SLC22A15: variants seen among roughly 807,000 people sequenced by gnomAD.
The protein encoded by SLC22A15 is solute carrier family 22 member 15.
In SLC22A15, 45 loss-of-function variants were observed where a neutral mutation model predicts 62.7. The ratio of observed to expected loss-of-function variants is 0.72; its 90% CI spans 0.56 to 0.92. The LOEUF is 0.92. Ranked by LOEUF, SLC22A15 falls within the 40% of genes least tolerant of loss-of-function variation. SLC22A15 has a pLI of 0.00. For synonymous variants in SLC22A15, 264 were observed against 267.0 expected, an observed-to-expected ratio of 0.99 and a Z score of 0.11; for missense variants, 622 against 665.6, an observed-to-expected ratio of 0.93 and a Z score of 0.72.
intron 2 of SLC22A15, among the ~76,000 whole-genome samples, chr1:116,016,681 C>T (rs1432176436): frequency 6.6e-6 from 1 of 152,112 alleles, no homozygotes; most frequent in East Asian, 1.9e-4. Flanking sequence ...CCTAACACCC[C>T]TTGCAGCCTT....
chr1:116,020,943 G>A, intron 4 of SLC22A15, 58 bp downstream of exon 4: 2 of 1,472,602 alleles, frequency 1.4e-6, no homozygotes, highest in South Asian at 1.4e-5. Flanking sequence ...AATTTTATAG[G>A]GACCCAGTTT....
chr1:116,020,470 G>T (rs1368413558), intron 3 of SLC22A15, among the ~76,000 whole-genome samples: 2 of 151,426 alleles, frequency 1.3e-5, no homozygotes, highest in East Asian at 1.9e-4. Flanking sequence ...GCAGGAGATT[G>T]GTGTGAACCC....
chr1:116,008,121 G>A lies in SLC22A15; in HGVS notation c.301-11461G>A, dbSNP rs116490478. Among the ~76,000 whole-genome samples the A allele has an allele frequency of 5.4e-3, 821 of 152,214 alleles. 3 individuals are homozygous for A. The highest frequency in any genetic ancestry group is 0.019 in the African/African-American group (786 of 41,544). Reference sequence around the variant, plus strand: ...TTTGAGAACAGTTAGCACAGTGACCGTGGGGAGATAGTGTATGGGGCATGA... The same window carrying A: ...TTTGAGAACAGTTAGCACAGTGACCATGGGGAGATAGTGTATGGGGCATGA... On this transcript the variant is annotated intron_variant, in intron 2 of 11. Coordinates refer to ENST00000369503, the MANE Select transcript of SLC22A15 (RefSeq NM_018420.3).
At chr1:116,050,559 C>T (rs558880424) in intron 8 of SLC22A15, among the ~76,000 whole-genome samples, 2 of 151,982 alleles carry the variant, frequency 1.3e-5, no homozygotes, top group East Asian at 1.9e-4. Flanking sequence ...GATTATAACT[C>T]GGCATACGAG....
intron 2 of SLC22A15, among the ~76,000 whole-genome samples, chr1:116,010,957 C>CT (rs1202054006): frequency 6.6e-6 from 1 of 152,204 alleles, no homozygotes; most frequent in African/African-American, 2.4e-5. Context: ...GGTTGACCTG[C>CT]TTGGACAACC....
intron 1 of SLC22A15, among the ~76,000 whole-genome samples, chr1:115,988,350 G>T (rs1281697): frequency 1.3e-5 from 2 of 152,160 alleles, no homozygotes; most frequent in South Asian, 2.1e-4. Flanking sequence ...TTGTTTTTTG[G>T]GGGGGAAAGG....
chr1:116,057,981 A>G (rs1658265690), intron 8 of SLC22A15, among the ~76,000 whole-genome samples: 2 of 152,032 alleles, frequency 1.3e-5, no homozygotes, highest in African/African-American at 2.4e-5. Flanking sequence ...TGGGTGCAGC[A>G]CACCAACATG....
intron 6 of SLC22A15, among the ~76,000 whole-genome samples, chr1:116,034,815 A>G (rs1293167821): frequency 1.3e-5 from 2 of 152,216 alleles, no homozygotes; most frequent in African/African-American, 2.4e-5. Flanking sequence ...TATTACAACT[A>G]TCTATAACAA....
At chr1:115,996,919 A>C (rs1214159204) in intron 2 of SLC22A15, among the ~76,000 whole-genome samples, 3 of 152,032 alleles carry the variant, frequency 2.0e-5, no homozygotes, top group African/African-American at 7.2e-5. Flanking sequence ...GTCATATAAA[A>C]AGTAAGGACA....
intron 8 of SLC22A15, among the ~76,000 whole-genome samples, chr1:116,038,360 G>A (rs1433525191): frequency 1.3e-5 from 2 of 152,102 alleles, no homozygotes; most frequent in African/African-American, 4.8e-5. Flanking sequence ...GCTTCTTGTG[G>A]TTCATTTCTG....
chr1:116,029,099 G>A (rs1657261148), intron 5 of SLC22A15, among the ~76,000 whole-genome samples: 1 of 152,140 alleles, frequency 6.6e-6, no homozygotes, highest in African/African-American at 2.4e-5. Flanking sequence ...AAAGCCAGGG[G>A]TTTCCACACA....
At chr1:116,036,840 A>G (rs1260074503) in intron 7 of SLC22A15, among the ~76,000 whole-genome samples, 1 of 152,244 alleles carries the variant, frequency 6.6e-6, no homozygotes, top group African/African-American at 2.4e-5. Flanking sequence ...GAGAGACTTA[A>G]GAAAAATGCC....
At position 116,068,890 on chromosome 1, in the gene SLC22A15, T is replaced by C. The variant is rs1016707018; in HGVS notation, c.*1782T>C. 2 of 152,184 alleles carry C rather than the reference T, an allele frequency of 1.3e-5. No individual in the cohort carries two copies. The highest frequency in any genetic ancestry group is 4.8e-5 in the African/African-American group (2 of 41,458). 9.4% of individuals were successfully genotyped at this position (152,184 alleles called of 1,614,324 possible). A position where few individuals can be genotyped will look rare whatever the true frequency, so the allele number is the denominator to read the frequency against. Reference sequence around the variant, plus strand: ...ATTTAAAACAGTGAACTAACATATATATAATTTTTGATTAGTTGGAGCTTT... The same window carrying C: ...ATTTAAAACAGTGAACTAACATATACATAATTTTTGATTAGTTGGAGCTTT... On this transcript the variant is annotated 3_prime_UTR_variant, in exon 12 of 12. Coordinates refer to ENST00000369503, the MANE Select transcript of SLC22A15 (RefSeq NM_018420.3).
chr1:116,020,488 G>A (rs1293984207), intron 3 of SLC22A15, among the ~76,000 whole-genome samples: 11 of 151,110 alleles, frequency 7.3e-5, no homozygotes, highest in Non-Finnish European at 1.3e-4. Flanking sequence ...CCCGGGAGGC[G>A]GAGCTTGCAG....
At chr1:115,991,085 A>T (rs1206147553) in intron 1 of SLC22A15, among the ~76,000 whole-genome samples, 1 of 152,158 alleles carries the variant, frequency 6.6e-6, no homozygotes, top group Non-Finnish European at 1.5e-5. Flanking sequence ...GTTAATAGGG[A>T]TAGTTTATTT....
At chr1:116,033,658 G>A (rs1657524396) in intron 6 of SLC22A15, among the ~76,000 whole-genome samples, 1 of 151,934 alleles carries the variant, frequency 6.6e-6, no homozygotes, top group South Asian at 2.1e-4. Flanking sequence ...CTGGGAAACA[G>A]CATTATGTAA....
At chr1:116,054,546 C>T (rs1048318558) in intron 8 of SLC22A15, among the ~76,000 whole-genome samples, 9 of 152,256 alleles carry the variant, frequency 5.9e-5, no homozygotes, top group African/African-American at 1.9e-4. Context: ...CAGCTCTGCA[C>T]CAAGCTGACC....
intron 2 of SLC22A15, among the ~76,000 whole-genome samples, chr1:115,997,578 A>G (rs1655491266): frequency 6.6e-6 from 1 of 152,020 alleles, no homozygotes; most frequent in Non-Finnish European, 1.5e-5. Flanking sequence ...AAATGGGATT[A>G]CTTTCTTGAT....
intron 8 of SLC22A15, among the ~76,000 whole-genome samples, chr1:116,055,467 A>T (rs1301842431): frequency 2.7e-4 from 40 of 149,964 alleles, no homozygotes; most frequent in African/African-American, 9.3e-4. Flanking sequence ...GCCAAATTCT[A>T]CCAGAGGTAC....
Sources: allele counts gnomAD v4.1 joint callset (sites outside exome capture counted in the v4.1 genomes callset), GRCh38; gene constraint gnomAD v4.1.1; transcripts MANE v1.5; gene names NCBI Gene and HGNC (gene_info 2026-07-23, HGNC 2026-07-21).